The following TNRC6B variants were observed in gnomAD, a reference collection of about 807,000 sequenced individuals.
TNRC6B encodes trinucleotide repeat-containing gene 6B protein.
Under a neutral mutation model 203.6 loss-of-function variants are expected in TNRC6B, and 52 were observed. The observed-to-expected ratio is 0.26, with a 90% CI of 0.20 to 0.32. The LOEUF (loss-of-function observed/expected upper bound fraction) is 0.32, where lower values mean the gene tolerates loss of function less well. Among genes scored for constraint, TNRC6B ranks in the 10% least tolerant of loss-of-function variants. The pLI is 1.00. For missense variants in TNRC6B, 1,923 were observed against 2,286.2 expected (o/e 0.84, Z 3.24); for synonymous variants, 838 against 845.7 (o/e 0.99, Z 0.16).
intron 1 of TNRC6B, among the ~76,000 whole-genome samples, chr22:40,101,571 CTT>C (rs1035381886): frequency 5.9e-5 from 9 of 152,150 alleles, no homozygotes; most frequent in Admixed American, 5.2e-4. Context: ...TTTTCCTGTC[CTT>C]TATAGCCTCC....
At chr22:40,154,970 C>A (rs1317737158) in intron 3 of TNRC6B, among the ~76,000 whole-genome samples, 1 of 132,208 alleles carries the variant, frequency 7.6e-6, no homozygotes, top group African/African-American at 2.9e-5. Flanking sequence ...TAGAATCATA[C>A]TACATATGCA....
At chr22:40,133,578 A>G (rs2068571441) in intron 3 of TNRC6B, among the ~76,000 whole-genome samples, 1 of 152,178 alleles carries the variant, frequency 6.6e-6, no homozygotes, top group Admixed American at 6.5e-5. Context: ...TGAACTGGGC[A>G]TTGTAGAAAG....
chr22:40,204,773 C>T (rs1285375234), intron 1 of TNRC6B, among the ~76,000 whole-genome samples: 3 of 152,200 alleles, frequency 2.0e-5, no homozygotes, highest in Admixed American at 1.3e-4. Context: ...ATTGTTCTGT[C>T]TCTGCTGCTG....
chr22:40,094,195 T>C (rs193076809), intron 1 of TNRC6B, among the ~76,000 whole-genome samples: 3 of 152,238 alleles, frequency 2.0e-5, no homozygotes. Flanking sequence ...GCACTATGAG[T>C]CCTACACAGT....
At chr22:40,310,699 GCTGT>G in intron 16 of TNRC6B, 114 bp from the exon 17 acceptor site, 1 of 1,014,850 alleles carries the variant, frequency 9.9e-7, no homozygotes, top group Non-Finnish European at 1.4e-6. Context: ...TTATTCCAGT[GCTGT>G]TTGTATATAC....
At position 40,161,187 on chromosome 22, in the gene TNRC6B, C is replaced by G. The variant is rs2068868880; in HGVS notation, c.113+5005C>G. ...TTTATGCTTGCCTTGAGAAGTCTTT[C>G]CTATCCTAACCTGATAAAATATCTT... On this transcript the variant is annotated intron_variant, in intron 4 of 23. Transcript: ENST00000301923. 2.0e-5 allele frequency among the ~76,000 whole-genome samples: 3 copies of G among 152,304 alleles called. No individual in the cohort carries two copies. The South Asian group carries it at 6.2e-4, about 32-fold the overall frequency.
rs573406227 is a variant in TNRC6B, at chr22:40,123,533, T to A, written c.-46-2239T>A. ...TCTCCAGTCAGTGCCTCCCACTGGC[T>A]TAGCCCAGCCAGCAGCCAGAAGATA... is the stretch of plus-strand genomic sequence containing the variant. On this transcript the variant is annotated intron_variant, in intron 2 of 23. Transcript: ENST00000301923. 1.6e-4 allele frequency among the ~76,000 whole-genome samples: 25 copies of A among 152,314 alleles called. No individual in the cohort carries two copies. In the South Asian group the frequency reaches 5.2e-3, roughly 32 times the overall value.
At chr22:40,205,928 G>A (rs549551810) in intron 1 of TNRC6B, among the ~76,000 whole-genome samples, 74 of 152,208 alleles carry the variant, frequency 4.9e-4, no homozygotes, top group African/African-American at 1.7e-3. Flanking sequence ...CTGTCATGAC[G>A]AAGGGGTGAT....
At chr22:40,149,924 A>G (rs2068733408) in intron 3 of TNRC6B, among the ~76,000 whole-genome samples, 1 of 152,090 alleles carries the variant, frequency 6.6e-6, no homozygotes, top group Non-Finnish European at 1.5e-5. Context: ...TTGGCCTCCC[A>G]AAGTGTTGGA....
chr22:40,228,772 C>T (rs1334022539), intron 1 of TNRC6B, among the ~76,000 whole-genome samples: 1 of 151,950 alleles, frequency 6.6e-6, no homozygotes, highest in Non-Finnish European at 1.5e-5. Context: ...GATCCACCCA[C>T]CTCGGCCTCC....
chr22:40,054,795 T>C (rs2067779403), intron 1 of TNRC6B, among the ~76,000 whole-genome samples: 1 of 151,616 alleles, frequency 6.6e-6, no homozygotes, highest in Admixed American at 6.6e-5. Flanking sequence ...GCCAGCACTT[T>C]GGGAGGCCAA....
At position 40,321,166 on chromosome 22, in the gene TNRC6B, GCA is replaced by G; in HGVS notation, c.5053_5054del (p.Thr1685CysfsTer31). On this transcript the variant is annotated frameshift_variant, in exon 22 of 23. Coordinates refer to ENST00000454349, the MANE Select transcript of TNRC6B (RefSeq NM_001162501.2). LOFTEE classifies it high-confidence loss of function. ...ACATTCCATCTGAATCTAACCCAGG[GCA>G]CTGCCCTGATCCGATACAGCACCAA... 1 of 1,613,948 alleles carries G rather than the reference GCA, an allele frequency of 6.2e-7. No homozygotes were observed. Among genetic ancestry groups the G allele is most frequent in the African/African-American group, 1.3e-5 (1 of 75,030 alleles).
In TNRC6B at chr22:40,329,754, T is replaced by G. The variant is rs2071445541; in HGVS notation, c.*6513T>G. On this transcript the variant is annotated 3_prime_UTR_variant, in exon 23 of 23. Transcript: ENST00000454349. ...GCATACCCCTAATATTTGAGTAGTT[T>G]TTAAGCTGTCAGTCTCTTGTCATAA... 1 of 152,150 alleles carries G rather than the reference T, an allele frequency of 6.6e-6. No homozygotes were observed. Among genetic ancestry groups the G allele is most frequent in the African/African-American group, 2.4e-5 (1 of 41,422 alleles). The allele number at this position is 152,150 out of a possible 1,614,324, so 9.4% of individuals were successfully genotyped here. A position where few individuals can be genotyped will look rare whatever the true frequency, so the allele number is the denominator to read the frequency against.
At chr22:40,139,457 G>C (rs780016212) in intron 3 of TNRC6B, among the ~76,000 whole-genome samples, 25 of 151,428 alleles carry the variant, frequency 1.7e-4, no homozygotes, top group Admixed American at 3.3e-4. Flanking sequence ...TCACCCTCCT[G>C]AGTAGCTGGG....
intron 1 of TNRC6B, among the ~76,000 whole-genome samples, chr22:40,233,018 C>T (rs980598016): frequency 2.0e-5 from 3 of 151,836 alleles, no homozygotes; most frequent in South Asian, 2.1e-4. Context: ...TGTAGTGGTG[C>T]GCGCCTATAG....
chr22:40,282,630 C>T (rs2070732993), intron 11 of TNRC6B, among the ~76,000 whole-genome samples: 1 of 152,092 alleles, frequency 6.6e-6, no homozygotes, highest in African/African-American at 2.4e-5. Context: ...GCCAAACTAG[C>T]CGAGCATTAG....
chr22:40,183,351 G>A (rs1340670154), intron 1 of TNRC6B, among the ~76,000 whole-genome samples: 11 of 152,158 alleles, frequency 7.2e-5, no homozygotes, highest in Admixed American at 3.9e-4. Context: ...CCAGGATCAT[G>A]AAGCCTGTAC....
In TNRC6B at chr22:40,333,931, TC is replaced by T. The variant is rs930477572; in HGVS notation, c.*10691del. The T allele has an allele frequency of 1.3e-5, 2 of 152,626 alleles. No individual in the cohort carries two copies. Among genetic ancestry groups the T allele is most frequent in the African/African-American group, 4.8e-5 (2 of 41,430 alleles). 9.5% of individuals were successfully genotyped at this position (152,626 alleles called of 1,614,324 possible). A position where few individuals can be genotyped will look rare whatever the true frequency, so the allele number is the denominator to read the frequency against. On this transcript the variant is annotated 3_prime_UTR_variant, in exon 23 of 23. Coordinates refer to ENST00000454349, the MANE Select transcript of TNRC6B (RefSeq NM_001162501.2). ...ATCTTTAAGATAAACCCTTTACTAG[TC>T]AAGAAGCCCTTTTCAGTTGGATCTC...
chr22:40,186,361 G>A (rs1171282602), intron 1 of TNRC6B, among the ~76,000 whole-genome samples: 2 of 152,060 alleles, frequency 1.3e-5, no homozygotes, highest in African/African-American at 4.8e-5. Flanking sequence ...GTTGGTATGG[G>A]AATCATTCGA....
Sources: allele counts gnomAD v4.1 joint callset (sites outside exome capture counted in the v4.1 genomes callset), GRCh38; gene constraint gnomAD v4.1.1; transcripts MANE v1.5; gene names NCBI Gene and HGNC (gene_info 2026-07-23, HGNC 2026-07-21).